The following PSG3 variants were observed in gnomAD, a reference collection of about 807,000 sequenced individuals.
PSG3 encodes the protein pregnancy specific beta-1-glycoprotein 3, also known as pregnancy-specific beta-1-glycoprotein 3.
In PSG3, 61 loss-of-function variants were observed where a neutral mutation model predicts 47.5. The observed-to-expected ratio is 1.28, with a 90% CI of 1.05 to 1.59. PSG3 has a LOEUF of 1.59. PSG3 is among the 40% of genes most tolerant of loss of function. The pLI, the probability that PSG3 is intolerant of heterozygous loss-of-function variation, is 0.00. For synonymous variants in PSG3, 263 were observed against 198.4 expected, an observed-to-expected ratio of 1.33 and a Z score of -2.74; for missense variants, 756 against 524.0, an observed-to-expected ratio of 1.44 and a Z score of -4.32.
Position 42,729,800 on chromosome 19 carries a change from G to A in PSG3, c.966C>T (p.Tyr322=), listed in dbSNP as rs1241372815. The change falls in exon 4 of 7, where the codon TAC becomes TAT. Residue 322 remains tyrosine, a synonymous_variant. Transcript: ENST00000327495. ...CACAGAGGACATTCAGGGTGACTGG[G>A]TAACTGCGGATGCCACCATATCGGT... is the stretch of plus-strand genomic sequence containing the variant. The part of the protein sequence containing the change: ...IQDRYGGIRS[Y]PVTLNVLYGP... The A allele has an allele frequency of 1.9e-6, 3 of 1,613,660 alleles. No homozygotes were observed. The highest frequency in any genetic ancestry group is 2.5e-6 in the Non-Finnish European group (3 of 1,179,876).
At position 42,721,861 on chromosome 19, in the gene PSG3, A is replaced by T; in HGVS notation, c.*270T>A. 1 of 414,376 alleles carries T rather than the reference A, an allele frequency of 2.4e-6. No homozygotes were observed. The highest frequency in any genetic ancestry group is 4.4e-6 in the Non-Finnish European group (1 of 226,012). The allele number at this position is 414,376 out of a possible 1,614,324, so 25.7% of individuals were successfully genotyped here. ...AGAAAATTATGAAAACATTGTTTTG[A>T]CTATTTAGTCCAATAAAATTGGGTT... On this transcript the variant is annotated 3_prime_UTR_variant, in exon 7 of 7. Transcript: ENST00000327495.
At chr19:42,739,722 G>A (rs1969636305) in intron 1 of PSG3, among the ~76,000 whole-genome samples, 2 of 152,126 alleles carry the variant, frequency 1.3e-5, no homozygotes, top group South Asian at 4.1e-4. Flanking sequence ...AGTGTTTCAT[G>A]CCCTGCTTAT....
In PSG3 at chr19:42,738,908, G is replaced by A. The variant is rs375731618; in HGVS notation, c.246C>T (p.Tyr82=). The stretch of plus-strand genomic sequence containing the variant: ...ATATAATTATTTGACCATCTACTAC[G>A]TATGATGTAATGTAATGGTAGAGGT... ...MKDLYHYITS[Y]VVDGQIIIYG... is the part of the protein sequence containing the mutation. The change falls in exon 2 of 7, where the codon TAC becomes TAT. Residue 82 remains tyrosine (Y), a synonymous_variant. Transcript: ENST00000327495. The A allele has an allele frequency of 1.6e-4, 262 of 1,613,896 alleles. 1 individual carries two copies. The highest frequency in any genetic ancestry group is 1.8e-4 in the Non-Finnish European group (216 of 1,179,998).
chr19:42,739,715 G>A (rs905402124), intron 1 of PSG3, among the ~76,000 whole-genome samples: 225 of 152,244 alleles, frequency 1.5e-3, no homozygotes, highest in African/African-American at 5.2e-3. Flanking sequence ...TGAGGACAGT[G>A]TTTCATGCCC....
intron 2 of PSG3, among the ~76,000 whole-genome samples, chr19:42,734,640 G>C (rs190912171): frequency 6.6e-6 from 1 of 152,186 alleles, no homozygotes; most frequent in Non-Finnish European, 1.5e-5. Flanking sequence ...TAGGTGTGCC[G>C]TGAATTCCAG....
At chr19:42,735,447 A>G (rs1969547417) in intron 2 of PSG3, among the ~76,000 whole-genome samples, 1 of 152,016 alleles carries the variant, frequency 6.6e-6, no homozygotes, top group African/African-American at 2.4e-5. Flanking sequence ...TCTCACTGCA[A>G]GCTCCACCTC....
At position 42,724,041 on chromosome 19, in the gene PSG3, A is replaced by G; in HGVS notation, c.1244-16T>C. On this transcript the variant is annotated splice_polypyrimidine_tract_variant and intron_variant, in intron 5 of 6. Transcript: ENST00000327495. ...CCTGAAGGAGCTGTCATGGAAAAAA[A>G]AGAAAAGAAGGAATGAAGATGATGT... 1 of 1,606,596 alleles carries G rather than the reference A, an allele frequency of 6.2e-7. No homozygotes were observed. Among genetic ancestry groups the G allele is most frequent in the Non-Finnish European group, 8.5e-7 (1 of 1,173,200 alleles).
At chr19:42,738,402 A>G (rs1969602384) in intron 2 of PSG3, among the ~76,000 whole-genome samples, 1 of 152,102 alleles carries the variant, frequency 6.6e-6, no homozygotes, top group African/African-American at 2.4e-5. Context: ...GCCAAGCCCT[A>G]CTCAGTTTGC....
At chr19:42,728,985 G>A in intron 5 of PSG3, 138 bp downstream of exon 5, 4 of 1,564,192 alleles carry the variant, frequency 2.6e-6, no homozygotes, top group East Asian at 2.2e-5. Flanking sequence ...AAATTGGGAG[G>A]GTTCAGGAGG....
rs1969441387 is a variant in PSG3 at position 42,729,818 on chromosome 19, A to G, written c.948T>C (p.Tyr316=). ...GPYQCEIQDR[Y]GGIRSYPVTL... ...TGACTGGGTAACTGCGGATGCCACC[A>G]TATCGGTCCTGTATTTCACATTGAT... The change falls in exon 4 of 7, where the codon TAT becomes TAC. Residue 316 remains tyrosine, a synonymous_variant. Coordinates refer to ENST00000327495, the MANE Select transcript of PSG3 (RefSeq NM_021016.4). 1.2e-6 allele frequency: 2 copies of G among 1,613,532 alleles called. No homozygotes were observed. The highest frequency in any genetic ancestry group is 1.1e-5 in the South Asian group (1 of 91,044).
chr19:42,725,845 G>T (rs1412724497), intron 5 of PSG3, among the ~76,000 whole-genome samples: 1 of 139,368 alleles, frequency 7.2e-6, no homozygotes, highest in African/African-American at 2.8e-5. Flanking sequence ...TCCTGGGCTG[G>T]CCTACAGAGT....
intron 3 of PSG3, among the ~76,000 whole-genome samples, chr19:42,730,320 G>A (rs890907647): frequency 4.6e-5 from 7 of 152,132 alleles, no homozygotes; most frequent in Non-Finnish European, 2.9e-5. Flanking sequence ...CACGTCAATG[G>A]GAGTCACAGC....
At position 42,732,972 on chromosome 19, in the gene PSG3, G is replaced by A. The variant is rs368279604; in HGVS notation, c.521C>T (p.Pro174Leu). 37 of 1,614,154 alleles carry A rather than the reference G, an allele frequency of 2.3e-5. No individual in the cohort carries two copies. Among genetic ancestry groups the A allele is most frequent in the African/African-American group, 2.3e-4 (17 of 75,034 alleles). ...AVSLTCDPET[P>L]DASYLWWMNG... is the part of the protein sequence containing the mutation. The stretch of plus-strand genomic sequence containing the variant: ...CATCCACCACAGGTAGCTTGCGTCC[G>A]GAGTCTCAGGATCACAGGTTAAGCT... Residue 174 changes from proline (P) to leucine (L), a missense_variant, in exon 3 of 7, where the codon CCG becomes CTG. Transcript: ENST00000327495.
intron 2 of PSG3, chr19:42,733,393 G>A (rs1969509552): frequency 2.7e-6 from 1 of 368,278 alleles, no homozygotes; most frequent in African/African-American, 2.1e-5. Context: ...CCACCTTGTG[G>A]TCCTCACTTG....
Position 42,738,900 on chromosome 19 carries a change from T to G in PSG3, c.254A>C (p.Asp85Ala). The G allele has an allele frequency of 1.2e-6, 2 of 1,614,078 alleles. No individual in the cohort carries two copies. Among genetic ancestry groups the G allele is most frequent in the African/African-American group, 2.7e-5 (2 of 75,002 alleles). ...AGGCCCATATATAATTATTTGACCA[T>G]CTACTACGTATGATGTAATGTAATG... ...LYHYITSYVV[D>A]GQIIIYGPAY... is the part of the protein sequence containing the mutation. Residue 85 changes from aspartate to alanine, a missense_variant, in exon 2 of 7, where the codon GAT (aspartate) becomes GCT (alanine). Physicochemically the swap from Asp to Ala is moderately radical, Grantham distance 126 (BLOSUM62 -2). Coordinates refer to ENST00000327495, the MANE Select transcript of PSG3 (RefSeq NM_021016.4).
At chr19:42,737,362 A>G (rs1191065841) in intron 2 of PSG3, among the ~76,000 whole-genome samples, 8 of 152,170 alleles carry the variant, frequency 5.3e-5, no homozygotes, top group South Asian at 2.1e-4. Flanking sequence ...TTTGTTATGT[A>G]AGAGCTCCTG....
Position 42,740,465 on chromosome 19 carries a change from C to A in PSG3, c.-81G>T. ...TTCCTGAGCATGGCTCTCAGCTGTG[C>A]TGTCCTTCCTCCTTCTGCGCTGAGC... On this transcript the variant is annotated 5_prime_UTR_variant, in exon 1 of 7. Coordinates refer to ENST00000327495, the MANE Select transcript of PSG3 (RefSeq NM_021016.4). 2 of 1,611,668 alleles carry A rather than the reference C, an allele frequency of 1.2e-6. No individual in the cohort carries two copies. Among genetic ancestry groups the A allele is most frequent in the Non-Finnish European group, 1.7e-6 (2 of 1,178,948 alleles).
intron 5 of PSG3, among the ~76,000 whole-genome samples, chr19:42,725,121 A>G (rs1165872239): frequency 6.6e-6 from 1 of 152,188 alleles, no homozygotes; most frequent in Non-Finnish European, 1.5e-5. Context: ...TAGGCTAATG[A>G]TGATGGTAGT....
intron 2 of PSG3, among the ~76,000 whole-genome samples, chr19:42,735,735 C>T (rs551038871): frequency 1.3e-5 from 2 of 152,308 alleles, no homozygotes; most frequent in African/African-American, 4.8e-5. Context: ...AACCGAGGAA[C>T]AAATTTCAAG....
Sources: allele counts gnomAD v4.1 joint callset (sites outside exome capture counted in the v4.1 genomes callset), GRCh38; gene constraint gnomAD v4.1.1; transcripts MANE v1.5; gene names NCBI Gene and HGNC (gene_info 2026-07-23, HGNC 2026-07-21).